Variants in PPP1R37 observed in about 807,000 individuals in gnomAD.
The protein encoded by PPP1R37 is protein phosphatase 1 regulatory subunit 37, also known as leucine rich repeat containing 68.
Under a neutral mutation model 61.0 loss-of-function variants are expected in PPP1R37, and 21 were observed. The ratio of observed to expected loss-of-function variants is 0.34; its 90% CI spans 0.24 to 0.50. PPP1R37 has a LOEUF of 0.50. Among genes scored for constraint, PPP1R37 ranks in the 20% least tolerant of loss-of-function variants. The pLI is 0.98. For synonymous variants in PPP1R37, 443 were observed against 433.5 expected (o/e 1.02, Z -0.27); for missense variants, 910 against 952.7 (o/e 0.96, Z 0.59).
chr19:45,138,619 C>A lies in PPP1R37; in HGVS notation c.300+8C>A. On this transcript the variant is annotated splice_region_variant and intron_variant, in intron 2 of 12. Coordinates refer to ENST00000221462, the MANE Select transcript of PPP1R37 (RefSeq NM_019121.2). ...CTCCTCAGGCAGCTGCAGGTATGGG[C>A]GGGACAGGGTGGGTGCGTCCGGTGT... is the stretch of plus-strand genomic sequence containing the variant. 10 of 587,184 alleles carry A rather than the reference C, an allele frequency of 1.7e-5. No individual in the cohort carries two copies. Among genetic ancestry groups the A allele is most frequent in the Non-Finnish European group, 2.7e-5 (9 of 336,966 alleles). The allele number at this position is 587,184 out of a possible 1,614,324, so 36.4% of individuals were successfully genotyped here. A position where few individuals can be genotyped will look rare whatever the true frequency, so the allele number is the denominator to read the frequency against.
intron 1 of PPP1R37, among the ~76,000 whole-genome samples, chr19:45,117,467 A>G (rs1225066313): frequency 2.0e-5 from 3 of 152,042 alleles, no homozygotes; most frequent in Non-Finnish European, 4.4e-5. Flanking sequence ...GGTGGTGCCG[A>G]GTGAAAGCCT....
chr19:45,104,148 G>A (rs559468556), intron 1 of PPP1R37, among the ~76,000 whole-genome samples: 28 of 152,070 alleles, frequency 1.8e-4, no homozygotes, highest in African/African-American at 6.3e-4. Flanking sequence ...TCCCCCTCCC[G>A]TGCTGCCTTC....
Position 45,145,444 on chromosome 19 carries a change from A to T in PPP1R37, c.1388A>T (p.Glu463Val). 1 of 1,535,188 alleles carries T rather than the reference A, an allele frequency of 6.5e-7. No individual in the cohort carries two copies. Among genetic ancestry groups the T allele is most frequent in the East Asian group, 2.4e-5 (1 of 40,884 alleles). ...TTGGTGCTGGCGCGGGAGAGGGAGGAGAAGGAGCAGCCGCCACAGCTGTCG... is the reference window on the plus strand; with the variant it reads ...TTGGTGCTGGCGCGGGAGAGGGAGGTGAAGGAGCAGCCGCCACAGCTGTCG... Reference protein sequence around the residue: ...RNLVLAREREEKEQPPQLSAS... With the variant: ...RNLVLAREREVKEQPPQLSAS... The change falls in exon 11 of 13, where the codon GAG becomes GTG. Residue 463 changes from glutamate (E) to valine (V), a missense_variant. Around this residue, in one of 3 missense-constraint regions of PPP1R37, gnomAD observed 549 missense variants for 505.1 expected, o/e 1.09. Transcript: ENST00000221462.
intron 1 of PPP1R37, among the ~76,000 whole-genome samples, chr19:45,099,746 G>A (rs552085313): frequency 9.8e-5 from 15 of 152,384 alleles, no homozygotes; most frequent in Non-Finnish European, 1.8e-4. Context: ...GCTCGGGCAC[G>A]GGACACATGT....
chr19:45,131,377 C>T (rs1968474979), intron 1 of PPP1R37, among the ~76,000 whole-genome samples: 1 of 152,220 alleles, frequency 6.6e-6, no homozygotes, highest in South Asian at 2.1e-4. Context: ...CGCCCCAGCC[C>T]TTCCCCTCCT....
intron 1 of PPP1R37, among the ~76,000 whole-genome samples, chr19:45,105,568 C>T (rs1971093700): frequency 6.6e-6 from 1 of 152,110 alleles, no homozygotes; most frequent in African/African-American, 2.4e-5. Context: ...ATTCCCCATT[C>T]CCTGTGACCC....
At position 45,099,317 on chromosome 19, in the gene PPP1R37, A is replaced by G. The variant is rs140058937; in HGVS notation, c.202+5790A>G. On this transcript the variant is annotated intron_variant, in intron 1 of 12. Coordinates refer to ENST00000221462, the MANE Select transcript of PPP1R37 (RefSeq NM_019121.2). ...TGTGTGACCGTGGACAATTTGTCCA[A>G]TCTCTCTGAGCTAAAACTAAATCAG... Among the ~76,000 whole-genome samples, 128 of 152,342 alleles carry G rather than the reference A, an allele frequency of 8.4e-4. 2 individuals are homozygous for G. In the East Asian group the frequency reaches 0.017, roughly 21 times the overall value.
Position 45,142,183 on chromosome 19 carries a change from C to T in PPP1R37, c.690C>T (p.Ser230=). ...CAGTGCTGCACTTGGAGAACGCCAG[C>T]CTGTCGGGGCGGCCCCTCATGCTGC... is the stretch of plus-strand genomic sequence containing the variant. The part of the protein sequence containing the change: ...SLAVLHLENA[S]LSGRPLMLLA... Residue 230 remains serine (S), a synonymous_variant, in exon 6 of 13, where the codon AGC becomes AGT. Coordinates refer to ENST00000221462, the MANE Select transcript of PPP1R37 (RefSeq NM_019121.2). The T allele has an allele frequency of 6.5e-7, 1 of 1,535,072 alleles. No individual in the cohort carries two copies. The highest frequency in any genetic ancestry group is 8.7e-7 in the Non-Finnish European group (1 of 1,146,342).
chr19:45,109,274 T>C (rs948325427), intron 1 of PPP1R37, among the ~76,000 whole-genome samples: 4 of 152,168 alleles, frequency 2.6e-5, no homozygotes, highest in African/African-American at 9.7e-5. Context: ...AGAGAAGCAC[T>C]TTCTCCTCTG....
intron 1 of PPP1R37, among the ~76,000 whole-genome samples, chr19:45,124,324 G>A (rs570104756): frequency 2.0e-5 from 3 of 152,330 alleles, no homozygotes; most frequent in South Asian, 4.1e-4. Context: ...GGGAAGCACC[G>A]GGCCCTTCGG....
rs1210971567 is a variant in PPP1R37 at position 45,140,228 on chromosome 19, T to C, written c.301-8T>C. The C allele has an allele frequency of 6.5e-7, 1 of 1,535,870 alleles. No individual in the cohort carries two copies. Among genetic ancestry groups the C allele is most frequent in the East Asian group, 2.4e-5 (1 of 40,910 alleles). On this transcript the variant is annotated splice_region_variant and splice_polypyrimidine_tract_variant and intron_variant, in intron 2 of 12. Transcript: ENST00000221462. ...TCTTCCTGCCTTAACCCCACTCTAC[T>C]TTCTCAGGAATTCACAGACCTCGGG...
At chr19:45,132,693 C>A (rs542006107) in intron 1 of PPP1R37, among the ~76,000 whole-genome samples, 2 of 152,090 alleles carry the variant, frequency 1.3e-5, no homozygotes, top group Admixed American at 6.5e-5. Context: ...CTCAGCCTCC[C>A]AAGTAGCTGG....
chr19:45,139,336 G>A (rs993616981), intron 2 of PPP1R37, among the ~76,000 whole-genome samples: 2 of 152,212 alleles, frequency 1.3e-5, no homozygotes, highest in African/African-American at 4.8e-5. Flanking sequence ...CCCCCTCCTC[G>A]GGAACCCCCG....
intron 1 of PPP1R37, among the ~76,000 whole-genome samples, chr19:45,132,015 C>T (rs959782039): frequency 1.3e-5 from 2 of 152,162 alleles, no homozygotes; most frequent in Non-Finnish European, 2.9e-5. Flanking sequence ...TATTCCAAGC[C>T]GTTACCTCTG....
intron 1 of PPP1R37, among the ~76,000 whole-genome samples, chr19:45,112,550 A>G (rs1395955477): frequency 2.6e-5 from 4 of 152,072 alleles, no homozygotes; most frequent in African/African-American, 4.8e-5. Flanking sequence ...TGCCTAGTGT[A>G]GTTATGTTCT....
intron 1 of PPP1R37, among the ~76,000 whole-genome samples, chr19:45,136,699 CCT>C (rs1968543231): frequency 1.3e-5 from 2 of 152,046 alleles, no homozygotes; most frequent in Admixed American, 1.3e-4. Context: ...CCAGGCCTGA[CCT>C]CTGGGGAGGC....
chr19:45,095,242 C>A (rs981915121), intron 1 of PPP1R37, among the ~76,000 whole-genome samples: 1 of 152,118 alleles, frequency 6.6e-6, no homozygotes, highest in Non-Finnish European at 1.5e-5. Context: ...GGCCAATTCT[C>A]CTGCCTCAGC....
chr19:45,134,421 G>C (rs551522895), intron 1 of PPP1R37, among the ~76,000 whole-genome samples: 1 of 152,144 alleles, frequency 6.6e-6, no homozygotes, highest in Non-Finnish European at 1.5e-5. Flanking sequence ...AGTGCTGTCA[G>C]CGCGAACTTC....
intron 2 of PPP1R37, among the ~76,000 whole-genome samples, 185 bp from the exon 3 acceptor site, chr19:45,140,051 T>C (rs1157576752): frequency 1.3e-5 from 2 of 152,232 alleles, no homozygotes; most frequent in Non-Finnish European, 2.9e-5. Context: ...TGCAGAGTTC[T>C]CTCGCTGTCT....
Sources: allele counts gnomAD v4.1 joint callset (sites outside exome capture counted in the v4.1 genomes callset), GRCh38; gene constraint gnomAD v4.1.1; regional missense constraint gnomAD v4.1.1; transcripts MANE v1.5; gene names NCBI Gene and HGNC (gene_info 2026-07-23, HGNC 2026-07-21).